MTUS2: variants seen among roughly 807,000 people sequenced by gnomAD.
The protein encoded by MTUS2 is microtubule-associated tumor suppressor candidate 2.
A neutral mutation model predicts 114.1 loss-of-function variants in MTUS2; 40 were observed. The observed-to-expected ratio is 0.35, with a 90% CI of 0.27 to 0.46. MTUS2 has a LOEUF of 0.46. Ranked by LOEUF, MTUS2 falls within the 20% of genes least tolerant of loss-of-function variation. The probability of loss-of-function intolerance (pLI) is 1.00; values close to 1 mark genes in which losing one functional copy is unlikely to be tolerated. For synonymous variants in MTUS2, 688 were observed against 672.0 expected (o/e 1.02, Z -0.37); for missense variants, 1,679 against 1,705.4 (o/e 0.98, Z 0.27).
At chr13:28,989,704 CA>C (rs1337448891) in intron 2 of MTUS2, among the ~76,000 whole-genome samples, 5 of 152,038 alleles carry the variant, frequency 3.3e-5, no homozygotes, top group African/African-American at 9.7e-5. Flanking sequence ...GCTGGGGAGA[CA>C]GTATGAGGGG....
intron 7 of MTUS2, among the ~76,000 whole-genome samples, chr13:29,337,112 T>C (rs1901102901): frequency 6.6e-6 from 1 of 152,110 alleles, no homozygotes; most frequent in African/African-American, 2.4e-5. Flanking sequence ...GCTAGACCAC[T>C]TGGCTCCCTG....
intron 2 of MTUS2, among the ~76,000 whole-genome samples, chr13:28,852,919 A>ACATACATACATACATG (rs1289758239): frequency 6.7e-6 from 1 of 149,200 alleles, no homozygotes. Flanking sequence ...ATACATACAT[A>ACATACATACATACATG]CATACATACA....
intron 7 of MTUS2, among the ~76,000 whole-genome samples, chr13:29,335,135 C>T (rs1397341364): frequency 6.6e-6 from 1 of 152,182 alleles, no homozygotes; most frequent in Non-Finnish European, 1.5e-5. Context: ...GGAGAAATAT[C>T]GCTGAATTCT....
intron 2 of MTUS2, among the ~76,000 whole-genome samples, chr13:28,958,912 T>A (rs776772335): frequency 7.2e-5 from 11 of 152,216 alleles, no homozygotes; most frequent in Non-Finnish European, 1.6e-4. Context: ...AACAAATTTT[T>A]AAAAAATTAG....
rs1314668114 is a variant in MTUS2, at chr13:29,024,657, A to G, written c.-42A>G. On this transcript the variant is annotated 5_prime_UTR_variant, in exon 3 of 16. Transcript: ENST00000612955. ...AGCTTGAAGGCAGCCCATTTCCATT[A>G]AGTAGGACTGCATGGCAAGCAGCCC... 6.3e-7 allele frequency: 1 copy of G among 1,599,410 alleles called. No homozygotes were observed. Among genetic ancestry groups the G allele is most frequent in the Non-Finnish European group, 8.5e-7 (1 of 1,173,300 alleles).
intron 2 of MTUS2, among the ~76,000 whole-genome samples, chr13:28,981,113 C>T (rs564878001): frequency 2.0e-4 from 31 of 152,268 alleles, no homozygotes; most frequent in Middle Eastern, 6.8e-3. Flanking sequence ...GATGATTGCA[C>T]AACAGTATGA....
At chr13:28,919,389 T>A (rs933422109) in intron 2 of MTUS2, among the ~76,000 whole-genome samples, 1 of 152,222 alleles carries the variant, frequency 6.6e-6, no homozygotes, top group Non-Finnish European at 1.5e-5. Context: ...TTTAAATATG[T>A]TATGCCACTC....
chr13:29,426,927 T>G lies in MTUS2; in HGVS notation c.3118-13056T>G, dbSNP rs76207623. 1.6e-4 allele frequency among the ~76,000 whole-genome samples: 24 copies of G among 152,304 alleles called. No homozygotes were observed. In the South Asian group the frequency reaches 3.7e-3, roughly 24 times the overall value. On this transcript the variant is annotated intron_variant, in intron 8 of 15. Coordinates refer to ENST00000612955, the MANE Select transcript of MTUS2 (RefSeq NM_001033602.4). Reference sequence around the variant, plus strand: ...GGGGGTATACTAAGCCACCACTTTTTGCAACATAAAGTTTTTCTCACAGAT... The same window carrying G: ...GGGGGTATACTAAGCCACCACTTTTGGCAACATAAAGTTTTTCTCACAGAT...
intron 2 of MTUS2, among the ~76,000 whole-genome samples, chr13:28,928,547 A>G (rs537326146): frequency 2.6e-5 from 4 of 152,346 alleles, no homozygotes; most frequent in South Asian, 2.1e-4. Flanking sequence ...CGAAACCCCA[A>G]TGAGGTATCT....
intron 2 of MTUS2, among the ~76,000 whole-genome samples, chr13:29,011,628 A>G (rs1247810822): frequency 1.3e-5 from 2 of 152,164 alleles, no homozygotes; most frequent in African/African-American, 4.8e-5. Context: ...ACTGAATAAT[A>G]TGGTTTTTCC....
chr13:29,280,229 T>C (rs949462487), intron 5 of MTUS2, among the ~76,000 whole-genome samples: 2 of 152,246 alleles, frequency 1.3e-5, no homozygotes, highest in Non-Finnish European at 2.9e-5. Context: ...CATTATTTTT[T>C]ATCTGACACC....
chr13:28,939,041 T>G (rs769711808), intron 2 of MTUS2, among the ~76,000 whole-genome samples: 8 of 152,228 alleles, frequency 5.3e-5, no homozygotes, highest in Non-Finnish European at 1.0e-4. Flanking sequence ...AATCTGATAC[T>G]TCAGCGCTGT....
chr13:29,343,432 A>G (rs1901503101), intron 7 of MTUS2, among the ~76,000 whole-genome samples: 1 of 151,472 alleles, frequency 6.6e-6, no homozygotes, highest in Non-Finnish European at 1.5e-5. Context: ...GTTTTCTACT[A>G]TGTGCATGTA....
intron 4 of MTUS2, among the ~76,000 whole-genome samples, chr13:29,037,126 A>G (rs77890072): frequency 0.052 from 7,864 of 152,246 alleles, 730 homozygotes; most frequent in East Asian, 0.42. Context: ...ACAATTTGGT[A>G]TGTTTTTGAA....
chr13:29,321,244 G>T (rs755618048), intron 6 of MTUS2, among the ~76,000 whole-genome samples: 1 of 152,134 alleles, frequency 6.6e-6, no homozygotes, highest in Admixed American at 6.5e-5. Context: ...GGGATACCTT[G>T]GTCCAGGTCT....
intron 8 of MTUS2, among the ~76,000 whole-genome samples, chr13:29,399,607 A>G (rs1409088296): frequency 6.6e-6 from 1 of 152,216 alleles, no homozygotes; most frequent in Non-Finnish European, 1.5e-5. Context: ...ATTTGAAGAA[A>G]TTACCCAAAG....
intron 4 of MTUS2, among the ~76,000 whole-genome samples, chr13:29,097,000 C>G (rs962695492): frequency 3.9e-5 from 6 of 152,120 alleles, no homozygotes; most frequent in Non-Finnish European, 8.8e-5. Context: ...TGACCACTCT[C>G]TCATGTAATT....
intron 4 of MTUS2, among the ~76,000 whole-genome samples, chr13:29,034,861 A>T (rs1886993158): frequency 2.0e-5 from 3 of 152,202 alleles, no homozygotes; most frequent in Non-Finnish European, 1.5e-5. Flanking sequence ...CTTCATCAGG[A>T]TGTTATAAAT....
At position 29,299,893 on chromosome 13, in the gene MTUS2, A is replaced by G. The variant is rs959852795; in HGVS notation, c.2806+18028A>G. Among the ~76,000 whole-genome samples, 23 of 152,264 alleles carry G rather than the reference A, an allele frequency of 1.5e-4. 1 individual carries two copies. The highest frequency in any genetic ancestry group is 3.1e-4 in the African/African-American group (13 of 41,560). ...AAAAAAAATTGCACAGAAAATTCAC[A>G]GCAGTTTAATTAGTCTCTAATTTTA... On this transcript the variant is annotated intron_variant, in intron 6 of 15. Transcript: ENST00000612955.
Sources: allele counts gnomAD v4.1 joint callset (sites outside exome capture counted in the v4.1 genomes callset), GRCh38; gene constraint gnomAD v4.1.1; transcripts MANE v1.5; gene names NCBI Gene and HGNC (gene_info 2026-07-23, HGNC 2026-07-21).